Variants in METTL8 observed in about 807,000 individuals in gnomAD.
METTL8 encodes tRNA N(3)-cytidine methyltransferase METTL8, mitochondrial.
Under a neutral mutation model 48.7 loss-of-function variants are expected in METTL8, and 32 were observed. That is an observed-to-expected ratio of 0.66 (90% CI 0.50 to 0.88). The LOEUF (loss-of-function observed/expected upper bound fraction) is 0.88. Ranked by LOEUF, METTL8 falls within the 40% of genes least tolerant of loss-of-function variation. The pLI is 0.00. For synonymous variants in METTL8, 136 were observed against 157.1 expected (o/e 0.87, Z 1.01); for missense variants, 464 against 474.4 (o/e 0.98, Z 0.20).
intron 2 of METTL8, among the ~76,000 whole-genome samples, chr2:171,376,555 C>T (rs1686988147): frequency 6.6e-6 from 1 of 152,122 alleles, no homozygotes; most frequent in South Asian, 2.1e-4. Context: ...ACACCAACAA[C>T]AGCCAAGCTG....
chr2:171,332,146 A>T, intron 5 of METTL8: 1 of 294,784 alleles, frequency 3.4e-6, no homozygotes, highest in Non-Finnish European at 6.6e-6. Context: ...TCAGCCTCTC[A>T]AACTGTCAGG....
At chr2:171,431,296 C>T (rs956042829) in intron 1 of METTL8, among the ~76,000 whole-genome samples, 7 of 152,114 alleles carry the variant, frequency 4.6e-5, no homozygotes, top group Admixed American at 2.6e-4. Context: ...TAAGGGCCCA[C>T]GAGCACACTG....
At chr2:171,433,855 C>A (rs1693468922) in intron 1 of METTL8, 28 bp downstream of exon 1, 1 of 154,980 alleles carries the variant, frequency 6.5e-6, no homozygotes, top group South Asian at 1.9e-4. Context: ...AGCCAACATG[C>A]GGCTGAAGGG....
intron 2 of METTL8, among the ~76,000 whole-genome samples, chr2:171,365,732 A>G (rs1335011764): frequency 6.6e-6 from 1 of 152,216 alleles, no homozygotes; most frequent in Non-Finnish European, 1.5e-5. Context: ...GATTTTGGCC[A>G]TGACAGAGTA....
chr2:171,353,647 T>G (rs183932912), intron 3 of METTL8, among the ~76,000 whole-genome samples: 1 of 152,254 alleles, frequency 6.6e-6, no homozygotes, highest in African/African-American at 2.4e-5. Flanking sequence ...TGGGTGCTCC[T>G]GTATTGGGTG....
intron 1 of METTL8, among the ~76,000 whole-genome samples, chr2:171,408,048 T>C (rs543524036): frequency 1.1e-4 from 16 of 152,358 alleles, no homozygotes; most frequent in Admixed American, 9.1e-4. Context: ...GCAGTCACAC[T>C]ATACCGCTGT....
rs530237156 is a variant in METTL8, at chr2:171,403,114, G to C, written c.-12-10917C>G. 2.6e-5 allele frequency among the ~76,000 whole-genome samples: 4 copies of C among 152,218 alleles called. No individual in the cohort carries two copies. In the East Asian group the frequency reaches 7.7e-4, roughly 29 times the overall value. On this transcript the variant is annotated intron_variant, in intron 1 of 9. Coordinates refer to ENST00000375258, the MANE Select transcript of METTL8 (RefSeq NM_001321154.2). ...TAAATACTCTTCCCTTAAGGAAGTG[G>C]AACATAACTCCTCATTAAGTGTGGG...
chr2:171,343,258 G>A (rs1686956627), intron 3 of METTL8, among the ~76,000 whole-genome samples: 1 of 152,112 alleles, frequency 6.6e-6, no homozygotes, highest in African/African-American at 2.4e-5. Context: ...TGACCAACAT[G>A]GAGAAACCCC....
In METTL8 at chr2:171,338,483, CA is replaced by C. The variant is rs539219419; in HGVS notation, c.606+700del. Among the ~76,000 whole-genome samples the C allele has an allele frequency of 9.0e-3, 1,364 of 151,664 alleles. 19 individuals carry two copies. Among genetic ancestry groups the C allele is most frequent in the African/African-American group, 0.031 (1,282 of 41,358 alleles). ...CGAAACCCTGTCTCTACTAAAAATA[CA>C]AAAAAATTAGCTGGGTGTGGTGGCA... On this transcript the variant is annotated intron_variant, in intron 4 of 9. Transcript: ENST00000375258.
rs1455238809 is a variant in METTL8, at chr2:171,330,637, CCATCATCA to C, written c.774_781del (p.Cys258TrpfsTer26). On this transcript the variant is annotated frameshift_variant, in exon 7 of 10. Coordinates refer to ENST00000375258, the MANE Select transcript of METTL8 (RefSeq NM_001321154.2). LOFTEE classifies it high-confidence loss of function. ...CCCATCTGGAAAAGGGTAAGGTAAG[CCATCATCA>C]CATACATCATGAACAAAGGCAAAAC... 9 of 1,613,344 alleles carry C rather than the reference CCATCATCA, an allele frequency of 5.6e-6. No individual in the cohort carries two copies. The highest frequency in any genetic ancestry group is 5.1e-6 in the Non-Finnish European group (6 of 1,179,540).
intron 1 of METTL8, among the ~76,000 whole-genome samples, chr2:171,398,709 A>G (rs1689357687): frequency 6.6e-6 from 1 of 152,186 alleles, no homozygotes; most frequent in Non-Finnish European, 1.5e-5. Flanking sequence ...CTTGCCACAC[A>G]TACACACAAA....
intron 3 of METTL8, among the ~76,000 whole-genome samples, chr2:171,351,694 G>C (rs1042022939): frequency 6.6e-5 from 10 of 152,116 alleles, no homozygotes; most frequent in African/African-American, 2.4e-4. Context: ...TTGTAATTTG[G>C]ATTCCTAGGT....
At chr2:171,372,968 G>A (rs897187999) in intron 2 of METTL8, among the ~76,000 whole-genome samples, 7 of 152,128 alleles carry the variant, frequency 4.6e-5, no homozygotes, top group Non-Finnish European at 8.8e-5. Flanking sequence ...CTTTATAGCA[G>A]CATGATTTAT....
chr2:171,378,905 G>T (rs1030169199), intron 2 of METTL8, among the ~76,000 whole-genome samples: 3 of 152,164 alleles, frequency 2.0e-5, no homozygotes, highest in Admixed American at 6.5e-5. Flanking sequence ...GGATTAAGCG[G>T]AACTGATGGA....
At chr2:171,375,039 G>T (rs779863200) in intron 2 of METTL8, 51 of 1,094,772 alleles carry the variant, frequency 4.7e-5, no homozygotes, top group Non-Finnish European at 6.5e-5. Flanking sequence ...CTACTTTGCT[G>T]TGAATTGCAC....
intron 3 of METTL8, among the ~76,000 whole-genome samples, chr2:171,355,810 G>A (rs531031200): frequency 5.9e-5 from 9 of 152,240 alleles, no homozygotes; most frequent in South Asian, 4.1e-4. Flanking sequence ...TGCTAAGACC[G>A]TTGGAAAAGC....
chr2:171,390,803 C>A (rs1559160817), intron 2 of METTL8, among the ~76,000 whole-genome samples: 2 of 151,994 alleles, frequency 1.3e-5, no homozygotes, highest in Non-Finnish European at 2.9e-5. Flanking sequence ...CTGTGGAAAT[C>A]ACAACAAAGA....
In METTL8 at chr2:171,355,838, G is replaced by A. The variant is rs187850586; in HGVS notation, c.235+4584C>T. Among the ~76,000 whole-genome samples the A allele has an allele frequency of 2.6e-3, 392 of 152,294 alleles. 3 individuals carry two copies. Among genetic ancestry groups the A allele is most frequent in the Non-Finnish European group, 3.3e-3 (226 of 68,030 alleles). ...GGAAAAGCGCAGTATTAGGGAGGGA[G>A]TGACCTGATTTTCCAGGTGCCGTCT... On this transcript the variant is annotated intron_variant, in intron 3 of 9. Coordinates refer to ENST00000375258, the MANE Select transcript of METTL8 (RefSeq NM_001321154.2).
chr2:171,406,633 C>T (rs762409486), intron 1 of METTL8, among the ~76,000 whole-genome samples: 1 of 152,124 alleles, frequency 6.6e-6, no homozygotes, highest in Non-Finnish European at 1.5e-5. Context: ...TCTTTATTAC[C>T]TCCATAAAGG....
Sources: allele counts gnomAD v4.1 joint callset (sites outside exome capture counted in the v4.1 genomes callset), GRCh38; gene constraint gnomAD v4.1.1; transcripts MANE v1.5; gene names NCBI Gene and HGNC (gene_info 2026-07-23, HGNC 2026-07-21).